Variants in CCDC30 observed in about 807,000 individuals in gnomAD.
CCDC30 encodes the protein coiled-coil domain containing 30.
Under a neutral mutation model 100.2 loss-of-function variants are expected in CCDC30, and 70 were observed. That is an observed-to-expected ratio of 0.70 (90% CI 0.58 to 0.85). The LOEUF is 0.85. CCDC30 is among the 40% of genes least tolerant of loss of function. The probability of loss-of-function intolerance (pLI) is 0.00; values close to 1 mark genes in which losing one functional copy is unlikely to be tolerated. For synonymous variants in CCDC30, 233 were observed against 269.5 expected (o/e 0.86, Z 1.33); for missense variants, 652 against 771.2 (o/e 0.85, Z 1.83).
chr1:42,477,192 C>T (rs954350074), intron 1 of CCDC30, among the ~76,000 whole-genome samples: 3 of 151,802 alleles, frequency 2.0e-5, no homozygotes, highest in Non-Finnish European at 2.9e-5. Context: ...CTGCAAGAAA[C>T]AGAAGATATT....
intron 7 of CCDC30, among the ~76,000 whole-genome samples, chr1:42,567,886 T>C (rs927386985): frequency 1.3e-5 from 2 of 152,122 alleles, no homozygotes; most frequent in African/African-American, 4.8e-5. Flanking sequence ...AATGATAGCT[T>C]GGTAACAAGA....
intron 6 of CCDC30, among the ~76,000 whole-genome samples, chr1:42,548,713 T>C (rs1411278696): frequency 2.0e-5 from 3 of 151,924 alleles, no homozygotes; most frequent in Non-Finnish European, 4.4e-5. Flanking sequence ...GAGAAGGAGA[T>C]GGAAGAAGCG....
chr1:42,522,863 G>T (rs1265550513), intron 6 of CCDC30, among the ~76,000 whole-genome samples: 2 of 151,978 alleles, frequency 1.3e-5, no homozygotes, highest in African/African-American at 4.8e-5. Context: ...ACAAACCATT[G>T]TTACAATATT....
At chr1:42,502,861 AGTACTTTATCC>A (rs1206347690) in intron 6 of CCDC30, among the ~76,000 whole-genome samples, 4 of 152,190 alleles carry the variant, frequency 2.6e-5, no homozygotes, top group Non-Finnish European at 5.9e-5. Flanking sequence ...AGTATGAATT[AGTACTTTATCC>A]CTTTCTGTGG....
At chr1:42,546,430 A>ATATGTATATATATGTATATATATGTG (rs1553192920) in intron 6 of CCDC30, among the ~76,000 whole-genome samples, 3 of 105,364 alleles carry the variant, frequency 2.8e-5, no homozygotes, top group South Asian at 3.4e-4. Context: ...ATATATATAT[A>ATATGTATATATATGTATATATATGTG]TATATATATA....
intron 11 of CCDC30, among the ~76,000 whole-genome samples, chr1:42,634,253 A>AC (rs201676304): frequency 7.6e-4 from 55 of 72,362 alleles, no homozygotes; most frequent in Middle Eastern, 6.8e-3. Context: ...CTGTCTCAAA[A>AC]AAAAAAAAAA....
intron 1 of CCDC30, among the ~76,000 whole-genome samples, chr1:42,471,193 A>G (rs1398609217): frequency 1.6e-4 from 25 of 152,112 alleles, no homozygotes; most frequent in Admixed American, 1.6e-3. Context: ...ATTGACCTGA[A>G]GCCTGTACCG....
At chr1:42,490,218 T>G in exon 4 of CCDC30, 1 of 1,201,444 alleles carries the variant, frequency 8.3e-7, no homozygotes, top group Non-Finnish European at 1.0e-6. Context: ...TTGGTAAAGC[T>G]GAAAGAAAAT....
chr1:42,553,596 C>T (rs1229805498), intron 6 of CCDC30, among the ~76,000 whole-genome samples: 1 of 150,264 alleles, frequency 6.7e-6, no homozygotes, highest in East Asian at 2.0e-4. Context: ...TTCAAGGCTG[C>T]AGTGAGCTAT....
At chr1:42,494,600 T>G (rs1395536765) in intron 4 of CCDC30, among the ~76,000 whole-genome samples, 2 of 151,734 alleles carry the variant, frequency 1.3e-5, no homozygotes, top group South Asian at 2.1e-4. Flanking sequence ...TTTCACAACC[T>G]ACTCATCTGA....
chr1:42,468,843 C>T (rs7529295), intron 1 of CCDC30: 58,855 of 151,870 alleles, frequency 0.39, 11,883 homozygotes, highest in East Asian at 0.59. Flanking sequence ...TATTAGACTC[C>T]TGTGCCCAAG....
intron 6 of CCDC30, among the ~76,000 whole-genome samples, chr1:42,523,667 C>G (rs557208104): frequency 6.6e-6 from 1 of 152,268 alleles, no homozygotes; most frequent in East Asian, 1.9e-4. Context: ...ATTATTTCTT[C>G]AAATAATCTC....
intron 6 of CCDC30, among the ~76,000 whole-genome samples, chr1:42,551,278 C>T (rs1053924002): frequency 2.6e-5 from 4 of 152,158 alleles, no homozygotes; most frequent in Non-Finnish European, 5.9e-5. Context: ...ATGTTTGAGA[C>T]TGCTGTGCAT....
In CCDC30 at chr1:42,566,377, A is replaced by T. The variant is rs556794367; in HGVS notation, c.538A>T (p.Ile180Phe). 33 of 1,614,046 alleles carry T rather than the reference A, an allele frequency of 2.0e-5. No homozygotes were observed. The highest frequency in any genetic ancestry group is 1.0e-4 in the Admixed American group (6 of 60,012). The change falls in exon 7 of 17, where the codon ATT becomes TTT. Residue 180 changes from isoleucine (I) to phenylalanine (F), a missense_variant. Ile to Phe is a conservative substitution (Grantham distance 21). Coordinates refer to ENST00000668663, the Ensembl canonical transcript of CCDC30. Reference sequence around the variant, plus strand: ...TCACCAGAATTTGCACCGGCTCCAGATTCTATGCAACTCAGCTGAAAATGA... The same window carrying T: ...TCACCAGAATTTGCACCGGCTCCAGTTTCTATGCAACTCAGCTGAAAATGA...
chr1:42,538,189 G>A lies in CCDC30; in HGVS notation c.457-28107G>A, dbSNP rs1644944492. 2.0e-5 allele frequency among the ~76,000 whole-genome samples: 3 copies of A among 146,378 alleles called. 1 individual carries two copies. ...AAAAAAAAAAAAAAAAATTAGCCAG[G>A]TGTGGTGGCATGTGTCTGTAATCCC... On this transcript the variant is annotated intron_variant, in intron 6 of 16. Coordinates refer to ENST00000668663, the Ensembl canonical transcript of CCDC30.
At chr1:42,538,289 C>G (rs1413409503) in intron 6 of CCDC30, among the ~76,000 whole-genome samples, 2 of 150,724 alleles carry the variant, frequency 1.3e-5, no homozygotes, top group African/African-American at 2.4e-5. Flanking sequence ...GTGATCGCAC[C>G]ACTGCACTCC....
At chr1:42,653,200 TTA>T (rs908624494) in intron 15 of CCDC30, among the ~76,000 whole-genome samples, 174 bp from the exon 20 acceptor site, 2 of 151,994 alleles carry the variant, frequency 1.3e-5, no homozygotes, top group African/African-American at 2.4e-5. Flanking sequence ...TATAGATAGG[TTA>T]TATATATAGA....
intron 10 of CCDC30, chr1:42,591,799 C>A (rs12024480): frequency 0.11 from 17,508 of 152,462 alleles, 1,239 homozygotes; most frequent in East Asian, 0.27. Flanking sequence ...CAGCTCCAAC[C>A]AGTGAGATCA....
intron 6 of CCDC30, among the ~76,000 whole-genome samples, chr1:42,553,375 T>A (rs1645294405): frequency 6.6e-6 from 1 of 152,124 alleles, no homozygotes; most frequent in African/African-American, 2.4e-5. Context: ...TTCAAAGTCT[T>A]TTAATGTTTG....
Sources: allele counts gnomAD v4.1 joint callset (sites outside exome capture counted in the v4.1 genomes callset), GRCh38; gene constraint gnomAD v4.1.1; transcripts MANE v1.5; gene names NCBI Gene and HGNC (gene_info 2026-07-23, HGNC 2026-07-21).